PPARA: variants seen among roughly 807,000 people sequenced by gnomAD.
PPARA encodes peroxisome proliferator activated receptor alpha, also known as peroxisome proliferator-activated receptor alpha.
A neutral mutation model predicts 42.2 loss-of-function variants in PPARA; 22 were observed. The ratio of observed to expected loss-of-function variants is 0.52; its 90% CI spans 0.37 to 0.74. The LOEUF is 0.74. PPARA is among the 30% of genes least tolerant of loss of function. The pLI is 0.00. For synonymous variants in PPARA, 242 were observed against 239.3 expected (o/e 1.01, Z -0.10); for missense variants, 465 against 608.2 (o/e 0.76, Z 2.48).
At chr22:46,159,080 G>T (rs184963049) in intron 2 of PPARA, among the ~76,000 whole-genome samples, 5 of 152,022 alleles carry the variant, frequency 3.3e-5, no homozygotes, top group African/African-American at 1.2e-4. Flanking sequence ...TAGTGGAGAC[G>T]GGCTTTCACC....
At chr22:46,175,748 C>T (rs918690673) in intron 2 of PPARA, among the ~76,000 whole-genome samples, 9 of 151,440 alleles carry the variant, frequency 5.9e-5, no homozygotes, top group African/African-American at 1.7e-4. Context: ...CATAATGAAT[C>T]ATATGGCATA....
intron 4 of PPARA, among the ~76,000 whole-genome samples, chr22:46,205,552 ATATTTTTTTTTT>A (rs1933208002): frequency 8.8e-5 from 2 of 22,810 alleles, no homozygotes; most frequent in African/African-American, 3.9e-4. Context: ...ATATATATAT[ATATTTTTTTTTT>A]TTTTTTTTTT....
chr22:46,208,204 A>G (rs149161913), intron 4 of PPARA, among the ~76,000 whole-genome samples: 56 of 152,222 alleles, frequency 3.7e-4, no homozygotes, highest in Non-Finnish European at 5.9e-4. Context: ...GTGTAAATCA[A>G]GCTAGTGAAC....
rs1569180930 is a variant in PPARA, at chr22:46,156,828, C to G, written c.-127+4858C>G. On this transcript the variant is annotated intron_variant, in intron 2 of 8. Transcript: ENST00000407236. The surrounding 1 kb of genome is among the most constrained non-coding windows in gnomAD (Gnocchi z 5.2). Reference sequence around the variant, plus strand: ...TGTTGGCCAGGCTGGTTTTGAACTTCTGACCTCAGGTGATCCACCTGCTTC... The same window carrying G: ...TGTTGGCCAGGCTGGTTTTGAACTTGTGACCTCAGGTGATCCACCTGCTTC... Among the ~76,000 whole-genome samples the G allele has an allele frequency of 6.6e-6, 1 of 152,206 alleles. No homozygotes were observed. The highest frequency in any genetic ancestry group is 1.5e-5 in the Non-Finnish European group (1 of 68,048).
chr22:46,155,306 C>G lies in PPARA; in HGVS notation c.-127+3336C>G, dbSNP rs4253627. ...TGTTTTTGGTAGCCTGGCATAGAGT[C>G]CATTTTTCTTTTCTTTTCTTTTTTT... On this transcript the variant is annotated intron_variant, in intron 2 of 8. Coordinates refer to ENST00000407236, the MANE Select transcript of PPARA (RefSeq NM_005036.6). The G allele has an allele frequency of 1.6e-4, 24 of 152,082 alleles. 1 individual carries two copies. The highest frequency in any genetic ancestry group is 5.8e-4 in the African/African-American group (24 of 41,506). The allele number at this position is 152,082 out of a possible 1,614,324, so 9.4% of individuals were successfully genotyped here.
At position 46,227,786 on chromosome 22, in the gene PPARA, G is replaced by T. The variant is rs568225885; in HGVS notation, c.712-4006G>T. Among the ~76,000 whole-genome samples, 1 of 152,164 alleles carries T rather than the reference G, an allele frequency of 6.6e-6. No homozygotes were observed. The highest frequency in any genetic ancestry group is 2.4e-5 in the African/African-American group (1 of 41,426). On this transcript the variant is annotated intron_variant, in intron 7 of 8. Coordinates refer to ENST00000407236, the MANE Select transcript of PPARA (RefSeq NM_005036.6). This position sits in a 1 kb window ranked among gnomAD's most constrained non-coding sequence, Gnocchi z 4.3. ...CATTTATTTGAAATGACTGCCTGTC[G>T]TGTCAGATATATTCATAGTCAAGCT...
At position 46,163,610 on chromosome 22, in the gene PPARA, C is replaced by G. The variant is rs1052794112; in HGVS notation, c.-127+11640C>G. The G allele has an allele frequency of 6.6e-6, 1 of 152,210 alleles. No homozygotes were observed. The highest frequency in any genetic ancestry group is 2.4e-5 in the African/African-American group (1 of 41,442). The allele number at this position is 152,210 out of a possible 1,614,324, so 9.4% of individuals were successfully genotyped here. On this transcript the variant is annotated intron_variant, in intron 2 of 8. Coordinates refer to ENST00000407236, the MANE Select transcript of PPARA (RefSeq NM_005036.6). The surrounding 1 kb of genome is among the most constrained non-coding windows in gnomAD (Gnocchi z 4.9). ...TCCCTAGACAAATGCAGGCCTTTCT[C>G]GAAGCCCCTTTCCCAGGACGACGTG...
rs909856825 is a variant in PPARA, at chr22:46,170,749, G to A, written c.-126-6004G>A. ...ACAATGAGAGTTGTCGTGATTCAGA[G>A]GAGGGACAAAGTCCTTCCCCTGGAG... is the stretch of plus-strand genomic sequence containing the variant. On this transcript the variant is annotated intron_variant, in intron 2 of 8. Transcript: ENST00000407236. Among the ~76,000 whole-genome samples the A allele has an allele frequency of 2.2e-4, 34 of 151,808 alleles. 1 individual carries two copies. Among genetic ancestry groups the A allele is most frequent in the Non-Finnish European group, 4.7e-4 (32 of 67,938 alleles).
chr22:46,201,627 T>C (rs528696555), intron 4 of PPARA, among the ~76,000 whole-genome samples: 19 of 152,262 alleles, frequency 1.2e-4, no homozygotes, highest in African/African-American at 3.9e-4. Flanking sequence ...CACTGCAGGC[T>C]GCCCACACAC....
chr22:46,191,805 T>C lies in PPARA; in HGVS notation c.-42-6537T>C, dbSNP rs972160402. On this transcript the variant is annotated intron_variant, in intron 3 of 8. Transcript: ENST00000407236. The surrounding 1 kb of genome is among the most constrained non-coding windows in gnomAD (Gnocchi z 4.6). ...TATTGAGGCCAGGCGCGGTGGCTCA[T>C]GCCTGTAATCCCAGCACTTTGGGAG... 2.0e-5 allele frequency among the ~76,000 whole-genome samples: 3 copies of C among 152,132 alleles called. No homozygotes were observed. Among genetic ancestry groups the C allele is most frequent in the Admixed American group, 2.0e-4 (3 of 15,256 alleles).
rs4253694 is a variant in PPARA, at chr22:46,185,608, C to T, written c.-43+8772C>T. ...AGGAGAGAAGTTTAAAAATATACCA[C>T]CTCTGGCTGGGCGCGGTGGCTCACA... On this transcript the variant is annotated intron_variant, in intron 3 of 8. Coordinates refer to ENST00000407236, the MANE Select transcript of PPARA (RefSeq NM_005036.6). Among the ~76,000 whole-genome samples, 1,341 of 149,752 alleles carry T rather than the reference C, an allele frequency of 9.0e-3. 22 individuals are homozygous for T. Among genetic ancestry groups the T allele is most frequent in the African/African-American group, 0.032 (1,288 of 40,728 alleles).
rs761043509 is a variant in PPARA, at chr22:46,171,117, C to G, written c.-126-5636C>G. ...CAGAGATCGCAGTGAGCCAAGACTGCGCCACTGCACTCCAGCCTGGGCAAC... is the reference window on the plus strand; with the variant it reads ...CAGAGATCGCAGTGAGCCAAGACTGGGCCACTGCACTCCAGCCTGGGCAAC... On this transcript the variant is annotated intron_variant, in intron 2 of 8. Transcript: ENST00000407236. This position sits in a 1 kb window ranked among gnomAD's most constrained non-coding sequence, Gnocchi z 5.0. 4.0e-5 allele frequency among the ~76,000 whole-genome samples: 6 copies of G among 151,710 alleles called. No homozygotes were observed. Among genetic ancestry groups the G allele is most frequent in the Non-Finnish European group, 1.5e-5 (1 of 67,940 alleles).
intron 2 of PPARA, among the ~76,000 whole-genome samples, chr22:46,153,025 T>A (rs1924682248): frequency 6.6e-6 from 1 of 152,150 alleles, no homozygotes; most frequent in African/African-American, 2.4e-5. Flanking sequence ...GGTGAAGGTT[T>A]TAGTGAACTG....
At chr22:46,175,927 G>A (rs1928977656) in intron 2 of PPARA, 1 of 152,016 alleles carries the variant, frequency 6.6e-6, no homozygotes, top group Non-Finnish European at 1.5e-5. Context: ...GAGTTATTAT[G>A]AATAAAGCTG....
rs1933572687 is a variant in PPARA at position 46,208,139 on chromosome 22, T to C, written c.209-7034T>C. ...TTAATTTTTAATTGACAAATAATAA[T>C]TGTATTTTTATGGGGCACAATGTGA... is the stretch of plus-strand genomic sequence containing the variant. On this transcript the variant is annotated intron_variant, in intron 4 of 8. Coordinates refer to ENST00000407236, the MANE Select transcript of PPARA (RefSeq NM_005036.6). Among the ~76,000 whole-genome samples, 3 of 152,200 alleles carry C rather than the reference T, an allele frequency of 2.0e-5. No homozygotes were observed. The South Asian group carries it at 6.2e-4, about 32-fold the overall frequency.
At position 46,187,923 on chromosome 22, in the gene PPARA, CT is replaced by C. The variant is rs1225963525; in HGVS notation, c.-42-10418del. Among the ~76,000 whole-genome samples, 3 of 152,328 alleles carry C rather than the reference CT, an allele frequency of 2.0e-5. No homozygotes were observed. Among genetic ancestry groups the C allele is most frequent in the East Asian group, 3.9e-4 (2 of 5,184 alleles). On this transcript the variant is annotated intron_variant, in intron 3 of 8. Coordinates refer to ENST00000407236, the MANE Select transcript of PPARA (RefSeq NM_005036.6). The surrounding 1 kb of genome is among the most constrained non-coding windows in gnomAD (Gnocchi z 4.9). Reference sequence around the variant, plus strand: ...ACACTGCCTAACTTACAAATGAGGTCTACCTTAAGAGGCTTTGCAGATTCCA... The same window carrying C: ...ACACTGCCTAACTTACAAATGAGGTCACCTTAAGAGGCTTTGCAGATTCCA...
At position 46,161,522 on chromosome 22, in the gene PPARA, G is replaced by C. The variant is rs1258203886; in HGVS notation, c.-127+9552G>C. Among the ~76,000 whole-genome samples the C allele has an allele frequency of 6.6e-6, 1 of 152,070 alleles. No homozygotes were observed. The highest frequency in any genetic ancestry group is 2.4e-5 in the African/African-American group (1 of 41,384). On this transcript the variant is annotated intron_variant, in intron 2 of 8. Coordinates refer to ENST00000407236, the MANE Select transcript of PPARA (RefSeq NM_005036.6). The surrounding 1 kb of genome is among the most constrained non-coding windows in gnomAD (Gnocchi z 4.8). Reference sequence around the variant, plus strand: ...AATCACTTGAACCCGGGAGGCGGAGGCTGCAGTGAACCAAGATTGTGCCAC... The same window carrying C: ...AATCACTTGAACCCGGGAGGCGGAGCCTGCAGTGAACCAAGATTGTGCCAC...
At position 46,235,129 on chromosome 22, in the gene PPARA, C is replaced by T; in HGVS notation, c.1160-4C>T. 1 of 1,613,970 alleles carries T rather than the reference C, an allele frequency of 6.2e-7. No individual in the cohort carries two copies. The highest frequency in any genetic ancestry group is 8.5e-7 in the Non-Finnish European group (1 of 1,179,876). On this transcript the variant is annotated splice_region_variant and splice_polypyrimidine_tract_variant and intron_variant, in intron 8 of 8. Transcript: ENST00000407236. The surrounding 1 kb of genome is among the most constrained non-coding windows in gnomAD (Gnocchi z 7.0). Reference sequence around the variant, plus strand: ...CAAACCTCTCTCTCTTCTTTCGAGACTAGATCGTCCTGGCCTTCTAAACGT... The same window carrying T: ...CAAACCTCTCTCTCTTCTTTCGAGATTAGATCGTCCTGGCCTTCTAAACGT...
Position 46,234,469 on chromosome 22 carries a change from T to C in PPARA, c.1160-664T>C, listed in dbSNP as rs559700196. On this transcript the variant is annotated intron_variant, in intron 8 of 8. Transcript: ENST00000407236. The surrounding 1 kb of genome is among the most constrained non-coding windows in gnomAD (Gnocchi z 5.8). ...TTTGAGACTGTCCCAGGATGTCTAG[T>C]GCCAGCTACCCCAGGCAGGTCATCT... Among the ~76,000 whole-genome samples the C allele has an allele frequency of 5.5e-4, 84 of 152,232 alleles. No homozygotes were observed. The highest frequency in any genetic ancestry group is 1.9e-3 in the African/African-American group (78 of 41,536).
Sources: allele counts gnomAD v4.1 joint callset (sites outside exome capture counted in the v4.1 genomes callset), GRCh38; gene constraint gnomAD v4.1.1; non-coding constraint Gnocchi (gnomAD v3.1); transcripts MANE v1.5; gene names NCBI Gene and HGNC (gene_info 2026-07-23, HGNC 2026-07-21).